DPY19L3: variants seen among roughly 807,000 people sequenced by gnomAD.
DPY19L3 encodes the protein dpy-19 like C-mannosyltransferase 3.
In DPY19L3, 51 loss-of-function variants were observed where a neutral mutation model predicts 92.3. The observed-to-expected ratio is 0.55, with a 90% CI of 0.44 to 0.70. DPY19L3 has a LOEUF of 0.70. Among genes scored for constraint, DPY19L3 ranks in the 30% least tolerant of loss-of-function variants. The pLI is 0.00. For missense variants in DPY19L3, 706 were observed against 855.9 expected (o/e 0.82, Z 2.18); for synonymous variants, 309 against 315.2 (o/e 0.98, Z 0.21).
chr19:32,453,603 CAG>C (rs1443005995), intron 9 of DPY19L3, among the ~76,000 whole-genome samples: 1 of 152,074 alleles, frequency 6.6e-6, no homozygotes, highest in Non-Finnish European at 1.5e-5. Flanking sequence ...TGTGTGAACT[CAG>C]GAGCGAGAAG....
chr19:32,453,279 A>G lies in DPY19L3; in HGVS notation c.987+3A>G. The G allele has an allele frequency of 6.3e-7, 1 of 1,596,748 alleles. No individual in the cohort carries two copies. Among genetic ancestry groups the G allele is most frequent in the Non-Finnish European group, 8.5e-7 (1 of 1,175,706 alleles). Reference sequence around the variant, plus strand: ...TATTCATTGCAAGAAAACTTCAGGTAGGACTTTTTTTTTGTCCTTTATCAA... The same window carrying G: ...TATTCATTGCAAGAAAACTTCAGGTGGGACTTTTTTTTTGTCCTTTATCAA... On this transcript the variant is annotated splice_donor_region_variant and intron_variant, in intron 9 of 18. Transcript: ENST00000392250.
At chr19:32,465,874 A>T (rs996289224) in intron 15 of DPY19L3, among the ~76,000 whole-genome samples, 2 of 152,218 alleles carry the variant, frequency 1.3e-5, no homozygotes, top group African/African-American at 2.4e-5. Context: ...TTATTGCTCT[A>T]ATGCGAATAA....
At chr19:32,450,716 G>T (rs1043727621) in intron 8 of DPY19L3, among the ~76,000 whole-genome samples, 1 of 152,174 alleles carries the variant, frequency 6.6e-6, no homozygotes, top group Non-Finnish European at 1.5e-5. Flanking sequence ...GGTAGGGGAT[G>T]ATGGAGAGTG....
Position 32,482,353 on chromosome 19 carries a change from T to C in DPY19L3, c.*113T>C. ...TAGCCCAAACCTTCAAGCTGTGATA[T>C]GAGTAAGTTCTACAGATGTTTACAC... On this transcript the variant is annotated 3_prime_UTR_variant, in exon 19 of 19. Coordinates refer to ENST00000392250, the MANE Select transcript of DPY19L3 (RefSeq NM_001172774.2). 1 of 1,236,168 alleles carries C rather than the reference T, an allele frequency of 8.1e-7. No homozygotes were observed. The highest frequency in any genetic ancestry group is 1.1e-6 in the Non-Finnish European group (1 of 885,186). 76.6% of individuals were successfully genotyped at this position (1,236,168 alleles called of 1,614,324 possible).
intron 1 of DPY19L3, among the ~76,000 whole-genome samples, chr19:32,407,269 C>CG (rs1555714144): frequency 6.4e-5 from 8 of 124,646 alleles, no homozygotes; most frequent in African/African-American, 2.2e-4. Flanking sequence ...CCTGCTCCCC[C>CG]CCACCCATTA....
At chr19:32,406,460 A>G (rs1436752753) in intron 1 of DPY19L3, among the ~76,000 whole-genome samples, 1 of 151,986 alleles carries the variant, frequency 6.6e-6, no homozygotes, top group Non-Finnish European at 1.5e-5. Flanking sequence ...CTTGGGCTCA[A>G]GCGATTCTCC....
intron 8 of DPY19L3, 152 bp downstream of exon 8, chr19:32,440,062 A>C (rs1305670835): frequency 1.4e-5 from 13 of 959,112 alleles, no homozygotes; most frequent in Non-Finnish European, 1.2e-5. Flanking sequence ...GAAGCTGAGT[A>C]ATTTATGAAG....
At chr19:32,474,429 C>T (rs1033825286) in intron 16 of DPY19L3, among the ~76,000 whole-genome samples, 1 of 152,208 alleles carries the variant, frequency 6.6e-6, no homozygotes, top group Non-Finnish European at 1.5e-5. Flanking sequence ...CACTCAAGAG[C>T]TCTTAGAGCC....
chr19:32,462,143 G>T (rs912306329), intron 12 of DPY19L3, among the ~76,000 whole-genome samples: 17 of 152,050 alleles, frequency 1.1e-4, no homozygotes, highest in African/African-American at 4.1e-4. Flanking sequence ...GCACTTTGGG[G>T]CCTTAGTTAT....
chr19:32,460,756 G>A (rs1408296066), intron 12 of DPY19L3, among the ~76,000 whole-genome samples: 1 of 152,150 alleles, frequency 6.6e-6, no homozygotes, highest in Non-Finnish European at 1.5e-5. Flanking sequence ...GTCTAAATGT[G>A]AATTAACTTT....
chr19:32,478,616 C>T (rs759520848), intron 17 of DPY19L3, among the ~76,000 whole-genome samples: 1 of 152,148 alleles, frequency 6.6e-6, no homozygotes, highest in African/African-American at 2.4e-5. Context: ...TACAAATATG[C>T]GGGGAGGGTG....
At chr19:32,448,318 C>T (rs1039468818) in intron 8 of DPY19L3, among the ~76,000 whole-genome samples, 3 of 152,046 alleles carry the variant, frequency 2.0e-5, no homozygotes, top group Non-Finnish European at 4.4e-5. Flanking sequence ...AGCATGGACA[C>T]GATCCATTGA....
chr19:32,406,303 G>A lies in DPY19L3; in HGVS notation c.-38+394G>A, dbSNP rs1237927772. 3 of 152,360 alleles carry A rather than the reference G, an allele frequency of 2.0e-5. No homozygotes were observed. The East Asian group carries it at 5.8e-4, about 29-fold the overall frequency. The allele number at this position is 152,360 out of a possible 1,614,324, so 9.4% of individuals were successfully genotyped here. ...AGGTGTGCAGGGGCGTGGCGCGTAG[G>A]TAAGCGGACCCGGTGCCTGCCTCGT... On this transcript the variant is annotated intron_variant, in intron 1 of 18. Coordinates refer to ENST00000392250, the MANE Select transcript of DPY19L3 (RefSeq NM_001172774.2).
intron 8 of DPY19L3, among the ~76,000 whole-genome samples, chr19:32,452,156 GTTC>G (rs755638635): frequency 2.4e-4 from 37 of 152,180 alleles, no homozygotes; most frequent in Non-Finnish European, 4.9e-4. Flanking sequence ...ACCATGTCTG[GTTC>G]TTCTGTGAGA....
intron 12 of DPY19L3, among the ~76,000 whole-genome samples, chr19:32,460,188 G>A (rs1969992014): frequency 6.6e-6 from 1 of 152,010 alleles, no homozygotes; most frequent in African/African-American, 2.4e-5. Context: ...ATTGCTTAAG[G>A]CTAGGAGTTC....
intron 14 of DPY19L3, among the ~76,000 whole-genome samples, chr19:32,464,345 C>CTATAAATGCAGTTTTGAATTGTT (rs1390057970): frequency 6.6e-6 from 1 of 152,004 alleles, no homozygotes; most frequent in African/African-American, 2.4e-5. Context: ...TTTCAGTAGC[C>CTATAAATGCAGTTTTGAATTGTT]TATAAATGCA....
chr19:32,429,475 G>T (rs1968887845), intron 3 of DPY19L3, among the ~76,000 whole-genome samples: 1 of 152,214 alleles, frequency 6.6e-6, no homozygotes, highest in Admixed American at 6.5e-5. Context: ...TGTACAGCTG[G>T]TGCTAGATTA....
At chr19:32,469,051 G>A (rs1339906451) in intron 16 of DPY19L3, 4 of 276,682 alleles carry the variant, frequency 1.4e-5, no homozygotes, top group Non-Finnish European at 2.6e-5. Context: ...GAGGAAAACC[G>A]ATTCAATAAA....
intron 16 of DPY19L3, among the ~76,000 whole-genome samples, chr19:32,471,555 T>A (rs1970358740): frequency 6.6e-6 from 1 of 152,130 alleles, no homozygotes; most frequent in African/African-American, 2.4e-5. Flanking sequence ...AAAAGAAGCT[T>A]ATCCATCCTC....
Sources: gnomAD v4.1 joint callset for allele counts (sites outside exome capture counted in the v4.1 genomes callset) on GRCh38, gnomAD v4.1.1 for gene constraint, MANE v1.5 for transcripts, NCBI Gene and HGNC (gene_info 2026-07-23, HGNC 2026-07-21) for gene names.